Variants in CSMD3 observed in about 807,000 individuals in gnomAD.
The protein encoded by CSMD3 is CUB and Sushi multiple domains 3.
CSMD3 carries 177 observed loss-of-function variants against 435.2 expected under a neutral mutation model. The ratio of observed to expected loss-of-function variants is 0.41; its 90% CI spans 0.36 to 0.46. The LOEUF is 0.46. Ranked by LOEUF, CSMD3 falls within the 20% of genes least tolerant of loss-of-function variation. CSMD3 has a pLI of 0.34. For missense variants in CSMD3, 4,265 were observed against 4,504.6 expected (o/e 0.95, Z 1.52); for synonymous variants, 1,656 against 1,520.5 (o/e 1.09, Z -2.07).
chr8:112,473,788 T>C (rs562714623), intron 31 of CSMD3, among the ~76,000 whole-genome samples: 2 of 149,882 alleles, frequency 1.3e-5, no homozygotes, highest in South Asian at 4.2e-4. Context: ...GGAGTCAGAA[T>C]GAGTTTCCTG....
intron 3 of CSMD3, among the ~76,000 whole-genome samples, chr8:113,176,095 TCTC>T (rs2092343197): frequency 1.3e-5 from 2 of 152,224 alleles, no homozygotes; most frequent in Admixed American, 6.6e-5. Flanking sequence ...GATTACCTAA[TCTC>T]CTGCCTTATC....
chr8:112,244,636 G>T, intron 64 of CSMD3, 63 bp from the exon 65 acceptor site: 1 of 1,290,774 alleles, frequency 7.7e-7, no homozygotes, highest in East Asian at 2.4e-5. Flanking sequence ...ATTTGAGACA[G>T]GAGTCACAAT....
chr8:113,348,661 T>C (rs1292445433), intron 1 of CSMD3, among the ~76,000 whole-genome samples: 4 of 152,204 alleles, frequency 2.6e-5, no homozygotes, highest in Non-Finnish European at 4.4e-5. Context: ...GTTAAAAATG[T>C]TTTTAGTCCT....
At chr8:112,330,014 T>C (rs990048536) in intron 45 of CSMD3, among the ~76,000 whole-genome samples, 7 of 152,052 alleles carry the variant, frequency 4.6e-5, no homozygotes, top group Non-Finnish European at 7.4e-5. Flanking sequence ...ATAAAACACT[T>C]TACGGGTTCT....
At chr8:112,503,460 G>A (rs973402987) in intron 30 of CSMD3, among the ~76,000 whole-genome samples, 1 of 152,136 alleles carries the variant, frequency 6.6e-6, no homozygotes, top group Non-Finnish European at 1.5e-5. Flanking sequence ...TAAGGTATTT[G>A]ACTGAAACTT....
At position 112,238,055 on chromosome 8, in the gene CSMD3, A is replaced by C. The variant is rs72672844; in HGVS notation, c.10469-707T>G. On this transcript the variant is annotated intron_variant, in intron 66 of 70. Transcript: ENST00000297405. ...ACTATTTTAGATACTAGCCAAAAAG[A>C]CTTATTGTATTTATATAAATTATTT... Among the ~76,000 whole-genome samples the C allele has an allele frequency of 2.0e-5, 3 of 152,064 alleles. No homozygotes were observed. The East Asian group carries it at 5.8e-4, about 29-fold the overall frequency.
chr8:113,423,326 T>G (rs2129971875), intron 1 of CSMD3, among the ~76,000 whole-genome samples: 1 of 152,204 alleles, frequency 6.6e-6, no homozygotes, highest in South Asian at 2.1e-4. Flanking sequence ...ATTATCATTC[T>G]TGGCTGGTGT....
intron 4 of CSMD3, among the ~76,000 whole-genome samples, chr8:113,166,927 T>C (rs1336690568): frequency 1.3e-5 from 2 of 152,150 alleles, no homozygotes; most frequent in African/African-American, 4.8e-5. Flanking sequence ...ATTGATTAGG[T>C]ATTTTACATA....
chr8:113,137,786 G>T (rs997269361), intron 4 of CSMD3, among the ~76,000 whole-genome samples: 5 of 151,442 alleles, frequency 3.3e-5, no homozygotes, highest in African/African-American at 1.2e-4. Context: ...TCCCAATATT[G>T]TTCAACATAA....
chr8:113,434,803 C>T (rs1041809560), intron 1 of CSMD3, among the ~76,000 whole-genome samples: 4 of 152,172 alleles, frequency 2.6e-5, no homozygotes, highest in African/African-American at 9.7e-5. Context: ...TGCGGGCAGC[C>T]GGGGCTCTAA....
chr8:113,038,584 T>G (rs2087460798), intron 5 of CSMD3, among the ~76,000 whole-genome samples: 1 of 152,186 alleles, frequency 6.6e-6, no homozygotes, highest in African/African-American at 2.4e-5. Context: ...TCCCATCTTC[T>G]TTTATACTCT....
At chr8:112,653,537 A>G (rs2075181839) in intron 18 of CSMD3, among the ~76,000 whole-genome samples, 1 of 152,154 alleles carries the variant, frequency 6.6e-6, no homozygotes, top group Non-Finnish European at 1.5e-5. Flanking sequence ...GCAATACAAC[A>G]TAATAAACAG....
intron 3 of CSMD3, among the ~76,000 whole-genome samples, chr8:113,260,616 T>C (rs1180920436): frequency 6.6e-6 from 1 of 152,188 alleles, no homozygotes; most frequent in Admixed American, 6.6e-5. Context: ...CGAATCCTTT[T>C]TTTTCTTTTA....
At chr8:113,003,172 G>A (rs1383759186) in intron 6 of CSMD3, among the ~76,000 whole-genome samples, 1 of 152,052 alleles carries the variant, frequency 6.6e-6, no homozygotes, top group Non-Finnish European at 1.5e-5. Context: ...TTGAACCCAG[G>A]CAGCGGAGGT....
At chr8:113,341,761 A>T (rs1478455764) in intron 1 of CSMD3, among the ~76,000 whole-genome samples, 1 of 152,154 alleles carries the variant, frequency 6.6e-6, no homozygotes, top group Non-Finnish European at 1.5e-5. Context: ...TAAAGTAAAC[A>T]ATGAGATTGT....
intron 45 of CSMD3, among the ~76,000 whole-genome samples, chr8:112,332,440 TG>T (rs1824158223): frequency 6.6e-6 from 1 of 152,156 alleles, no homozygotes; most frequent in Non-Finnish European, 1.5e-5. Flanking sequence ...CCAACCTGAC[TG>T]AAGTTGTGTA....
At chr8:113,025,293 G>A (rs1254352050) in intron 5 of CSMD3, among the ~76,000 whole-genome samples, 1 of 152,136 alleles carries the variant, frequency 6.6e-6, no homozygotes, top group African/African-American at 2.4e-5. Context: ...ATGCGTCTTA[G>A]GGTGTGGTTT....
intron 22 of CSMD3, among the ~76,000 whole-genome samples, chr8:112,610,998 T>A (rs1412483218): frequency 2.0e-5 from 3 of 152,278 alleles, no homozygotes; most frequent in African/African-American, 7.2e-5. Flanking sequence ...AAACAATAAC[T>A]CTTGGAAAAT....
Position 112,879,039 on chromosome 8 carries a change from C to A in CSMD3, c.1634-19773G>T, listed in dbSNP as rs1159018345. On this transcript the variant is annotated intron_variant, in intron 10 of 70. Coordinates refer to ENST00000297405, the MANE Select transcript of CSMD3 (RefSeq NM_198123.2). Reference sequence around the variant, plus strand: ...AAATCTGGGCACCTTGAAAGAAGAACAGGATAACAGTGATGTTCAGGGAAC... The same window carrying A: ...AAATCTGGGCACCTTGAAAGAAGAAAAGGATAACAGTGATGTTCAGGGAAC... 4.6e-5 allele frequency among the ~76,000 whole-genome samples: 7 copies of A among 152,130 alleles called. 1 individual carries two copies. Among genetic ancestry groups the A allele is most frequent in the Admixed American group, 4.6e-4 (7 of 15,254 alleles).
Sources: allele counts gnomAD v4.1 joint callset (sites outside exome capture counted in the v4.1 genomes callset), GRCh38; gene constraint gnomAD v4.1.1; transcripts MANE v1.5; gene names NCBI Gene and HGNC (gene_info 2026-07-23, HGNC 2026-07-21).